Variants in PSD3 observed in about 807,000 individuals in gnomAD.
The protein encoded by PSD3 is pleckstrin and Sec7 domain containing 3.
A neutral mutation model predicts 105.5 loss-of-function variants in PSD3; 49 were observed. The observed-to-expected ratio is 0.46, with a 90% CI of 0.37 to 0.59. The LOEUF (loss-of-function observed/expected upper bound fraction) is 0.59, where lower values mean the gene tolerates loss of function less well. Among genes scored for constraint, PSD3 ranks in the 20% least tolerant of loss-of-function variants. The pLI is 0.00. For synonymous variants in PSD3, 557 were observed against 457.8 expected, an observed-to-expected ratio of 1.22 and a Z score of -2.77; for missense variants, 1,561 against 1,263.8, an observed-to-expected ratio of 1.24 and a Z score of -3.57.
chr8:19,057,052 C>T (rs986065572), intron 1 of PSD3, among the ~76,000 whole-genome samples: 7 of 151,824 alleles, frequency 4.6e-5, no homozygotes, highest in African/African-American at 1.7e-4. Flanking sequence ...CTTGATGCTA[C>T]TTCATCTCTT....
chr8:18,731,378 A>G (rs1434393074), intron 9 of PSD3, among the ~76,000 whole-genome samples: 1 of 152,226 alleles, frequency 6.6e-6, no homozygotes, highest in Non-Finnish European at 1.5e-5. Flanking sequence ...ACAGCAAACA[A>G]ATCATGAAAG....
At chr8:18,818,530 A>T (rs1055133496) in intron 4 of PSD3, among the ~76,000 whole-genome samples, 5 of 152,108 alleles carry the variant, frequency 3.3e-5, no homozygotes, top group Admixed American at 6.5e-5. Flanking sequence ...TTAAGACTGA[A>T]ATCATGGCAT....
chr8:18,681,024 G>A (rs753542988), intron 9 of PSD3, among the ~76,000 whole-genome samples: 4 of 151,418 alleles, frequency 2.6e-5, no homozygotes, highest in Non-Finnish European at 4.4e-5. Flanking sequence ...AAAACAAGCT[G>A]GAAACATCAA....
chr8:18,949,849 ATCTC>A (rs1823128067), intron 1 of PSD3, among the ~76,000 whole-genome samples: 1 of 148,320 alleles, frequency 6.7e-6, no homozygotes, highest in South Asian at 2.1e-4. Flanking sequence ...GAATAACACT[ATCTC>A]TCGTCTTGAT....
In PSD3 at chr8:18,884,528, A is replaced by G. The variant is rs1004036999; in HGVS notation, c.131-11795T>C. 9.8e-5 allele frequency among the ~76,000 whole-genome samples: 15 copies of G among 152,324 alleles called. No homozygotes were observed. In the South Asian group the frequency reaches 1.0e-3, roughly 11 times the overall value. On this transcript the variant is annotated intron_variant, in intron 2 of 15. Transcript: ENST00000327040. ...TCACCCTAAGAAAAGTCACATTTTG[A>G]AGAAAACTACGGTATGTAATCCAGG...
At chr8:19,064,225 TAAC>T (rs746398082) in intron 1 of PSD3, among the ~76,000 whole-genome samples, 23 of 152,308 alleles carry the variant, frequency 1.5e-4, no homozygotes, top group Non-Finnish European at 2.5e-4. Flanking sequence ...AATTAAGCTT[TAAC>T]AGCATGTAAT....
intron 12 of PSD3, among the ~76,000 whole-genome samples, chr8:18,598,525 A>C (rs1804206165): frequency 6.6e-6 from 1 of 152,136 alleles, no homozygotes; most frequent in African/African-American, 2.4e-5. Flanking sequence ...GATAAAACGC[A>C]TTAACAGATC....
At chr8:18,970,125 A>C (rs1824540006) in intron 1 of PSD3, among the ~76,000 whole-genome samples, 2 of 151,724 alleles carry the variant, frequency 1.3e-5, no homozygotes, top group Non-Finnish European at 2.9e-5. Context: ...GGAGATCGAG[A>C]CCATCCTGGC....
intron 9 of PSD3, chr8:18,734,029 C>T (rs1803967445): frequency 6.6e-6 from 1 of 152,122 alleles, no homozygotes; most frequent in Non-Finnish European, 1.5e-5. Context: ...TTTAACATAT[C>T]CACAGGTATT....
chr8:18,751,417 A>G (rs1039822940), intron 9 of PSD3, among the ~76,000 whole-genome samples: 1 of 152,258 alleles, frequency 6.6e-6, no homozygotes, highest in African/African-American at 2.4e-5. Flanking sequence ...AAAAGAGAAC[A>G]ACTTCTGGAG....
intron 11 of PSD3, among the ~76,000 whole-genome samples, chr8:18,603,327 A>G (rs13251595): frequency 0.17 from 25,839 of 151,990 alleles, 2,405 homozygotes; most frequent in Middle Eastern, 0.35. Context: ...TTGTTTTTCT[A>G]TAACATGCTA....
rs574924052 is a variant in PSD3 at position 18,822,663 on chromosome 8, A to C, written c.1635-17765T>G. On this transcript the variant is annotated intron_variant, in intron 4 of 15. Transcript: ENST00000327040. ...GTGAACCACTAAGCAATTCCCAACT[A>C]TCTGCCTCAAGAAGCTGCATATCAG... Among the ~76,000 whole-genome samples, 6 of 152,284 alleles carry C rather than the reference A, an allele frequency of 3.9e-5. 1 individual carries two copies. Among genetic ancestry groups the C allele is most frequent in the African/African-American group, 1.4e-4 (6 of 41,564 alleles).
intron 9 of PSD3, among the ~76,000 whole-genome samples, chr8:18,700,864 GTCACT>G (rs1801537168): frequency 6.6e-6 from 1 of 152,172 alleles, no homozygotes; most frequent in African/African-American, 2.4e-5. Context: ...CCTTGGAAGA[GTCACT>G]TTACATCTCC....
chr8:18,949,040 G>A (rs1284976056), intron 1 of PSD3, among the ~76,000 whole-genome samples: 1 of 150,068 alleles, frequency 6.7e-6, no homozygotes, highest in African/African-American at 2.4e-5. Context: ...GTTATACACG[G>A]TGAAACCCCG....
intron 11 of PSD3, among the ~76,000 whole-genome samples, chr8:18,621,819 C>T (rs1806131306): frequency 6.6e-6 from 1 of 152,156 alleles, no homozygotes; most frequent in East Asian, 1.9e-4. Context: ...CAGGAGGACA[C>T]AACTGTCTTT....
intron 1 of PSD3, among the ~76,000 whole-genome samples, chr8:19,046,181 G>A (rs759894686): frequency 5.3e-5 from 8 of 152,072 alleles, no homozygotes; most frequent in Non-Finnish European, 1.0e-4. Context: ...GCCTGATCTC[G>A]GCTCACTGCA....
At chr8:18,990,834 C>A (rs1825751352) in intron 1 of PSD3, among the ~76,000 whole-genome samples, 1 of 152,138 alleles carries the variant, frequency 6.6e-6, no homozygotes, top group South Asian at 2.1e-4. Flanking sequence ...AACAGATCAA[C>A]CAAGCTGCAG....
intron 8 of PSD3, among the ~76,000 whole-genome samples, chr8:18,790,582 G>A (rs996347484): frequency 3.9e-5 from 6 of 151,946 alleles, no homozygotes; most frequent in East Asian, 1.9e-4. Context: ...GATTACAGGC[G>A]TGAGCCACTA....
chr8:19,036,944 A>C (rs1458149038), intron 1 of PSD3, among the ~76,000 whole-genome samples: 1 of 151,484 alleles, frequency 6.6e-6, no homozygotes, highest in African/African-American at 2.4e-5. Context: ...CCATGTTGCA[A>C]CTCCCCAGGA....
Sources: allele counts gnomAD v4.1 joint callset (sites outside exome capture counted in the v4.1 genomes callset), GRCh38; gene constraint gnomAD v4.1.1; transcripts MANE v1.5; gene names NCBI Gene and HGNC (gene_info 2026-07-23, HGNC 2026-07-21).